NEK10: variants seen among roughly 807,000 people sequenced by gnomAD.
NEK10 encodes serine/threonine-protein kinase Nek10.
NEK10 carries 122 observed loss-of-function variants against 159.8 expected under a neutral mutation model. The ratio of observed to expected loss-of-function variants is 0.76; its 90% CI spans 0.66 to 0.89. The LOEUF (loss-of-function observed/expected upper bound fraction) is 0.89, where lower values mean the gene tolerates loss of function less well. Ranked by LOEUF, NEK10 falls within the 40% of genes least tolerant of loss-of-function variation. The pLI is 0.00. For missense variants in NEK10, 1,342 were observed against 1,323.1 expected (o/e 1.01, Z -0.22); for synonymous variants, 466 against 457.1 (o/e 1.02, Z -0.25).
chr3:27,368,800 G>C (rs546599080), intron 1 of NEK10, among the ~76,000 whole-genome samples: 1 of 152,104 alleles, frequency 6.6e-6, no homozygotes, highest in Non-Finnish European at 1.5e-5. Context: ...AGGGCTCACC[G>C]AAGTAGGGCA....
At chr3:27,115,774 A>G (rs1940320241) in intron 35 of NEK10, among the ~76,000 whole-genome samples, 166 bp downstream of exon 35, 1 of 152,202 alleles carries the variant, frequency 6.6e-6, no homozygotes, top group Admixed American at 6.5e-5. Flanking sequence ...ATGGGCACAT[A>G]TATTCTACTT....
At chr3:27,167,564 T>C (rs1324859794) in intron 29 of NEK10, among the ~76,000 whole-genome samples, 1 of 152,216 alleles carries the variant, frequency 6.6e-6, no homozygotes, top group Non-Finnish European at 1.5e-5. Flanking sequence ...TAACATGCTA[T>C]GACTTGCTGG....
At chr3:27,309,205 A>C in intron 9 of NEK10, 200 bp from the exon 10 acceptor site, 3 of 340,540 alleles carry the variant, frequency 8.8e-6, no homozygotes. Context: ...CACAAACTAT[A>C]TATAATGTTA....
chr3:27,241,264 C>A (rs192263912), intron 23 of NEK10, among the ~76,000 whole-genome samples: 2 of 152,186 alleles, frequency 1.3e-5, no homozygotes, highest in Non-Finnish European at 2.9e-5. Flanking sequence ...AACCATATCT[C>A]TGTTGTGACA....
chr3:27,323,339 C>T (rs548324605), intron 5 of NEK10, among the ~76,000 whole-genome samples: 1 of 152,186 alleles, frequency 6.6e-6, no homozygotes, highest in Non-Finnish European at 1.5e-5. Context: ...ATGGAGCATT[C>T]CCAGACACTC....
Position 27,174,460 on chromosome 3 carries a change from G to A in NEK10, c.2755C>T (p.Pro919Ser). 1.9e-6 allele frequency: 3 copies of A among 1,612,074 alleles called. No individual in the cohort carries two copies. The highest frequency in any genetic ancestry group is 3.6e-4 in the Middle Eastern group (2 of 5,556). ...SDNSSSSSSSPLKESTFNILK... is the reference protein window; with the variant it reads ...SDNSSSSSSSSLKESTFNILK... ...TTACTGAATGTAGATTCTTTCAGAG[G>A]GCTTGAACTGGAGCTGCTGGAGTTA... The change falls in exon 28 of 36, where the codon CCT becomes TCT. Residue 919 changes from proline (P) to serine (S), a missense_variant. Transcript: ENST00000691995.
At chr3:27,281,510 T>C (rs925196380) in intron 22 of NEK10, among the ~76,000 whole-genome samples, 6 of 150,754 alleles carry the variant, frequency 4.0e-5, no homozygotes, top group African/African-American at 1.5e-4. Flanking sequence ...ACTAGAGAAA[T>C]GCCTTTAAAA....
chr3:27,202,507 G>A lies in NEK10; in HGVS notation c.2141C>T (p.Ala714Val). Reference sequence around the variant, plus strand: ...CATCTGATAAAGGATGCAGCCTACTGCCCAGACATCAGCCTTCTCCCCATA... The same window carrying A: ...CATCTGATAAAGGATGCAGCCTACTACCCAGACATCAGCCTTCTCCCCATA... ...EPYGEKADVW[A>V]VGCILYQMAT... The change falls in exon 24 of 36, where the codon GCA becomes GTA. Residue 714 changes from alanine (A) to valine (V), a missense_variant. By Grantham distance (64) the Ala-to-Val change is moderately conservative. Coordinates refer to ENST00000691995, the MANE Select transcript of NEK10 (RefSeq NM_001394966.1). 6.2e-7 allele frequency: 1 copy of A among 1,612,958 alleles called. No homozygotes were observed. The highest frequency in any genetic ancestry group is 8.5e-7 in the Non-Finnish European group (1 of 1,179,360).
At chr3:27,188,411 C>T (rs1455553124) in intron 26 of NEK10, among the ~76,000 whole-genome samples, 1 of 152,202 alleles carries the variant, frequency 6.6e-6, no homozygotes, top group Non-Finnish European at 1.5e-5. Context: ...ATTCAGAAGA[C>T]ATCCAACAAA....
intron 23 of NEK10, among the ~76,000 whole-genome samples, chr3:27,218,303 TG>T: frequency 6.6e-6 from 1 of 152,312 alleles, no homozygotes; most frequent in East Asian, 1.9e-4. Context: ...AGTGAAATCA[TG>T]GATAAGAAGG....
intron 29 of NEK10, among the ~76,000 whole-genome samples, chr3:27,168,114 G>A (rs1020445825): frequency 6.6e-6 from 1 of 152,058 alleles, no homozygotes; most frequent in Non-Finnish European, 1.5e-5. Context: ...ATATTTTGGA[G>A]GCTGTGGTCA....
chr3:27,291,123 CA>C, intron 18 of NEK10, 138 bp downstream of exon 18: 1 of 896,954 alleles, frequency 1.1e-6, no homozygotes, highest in South Asian at 1.9e-5. Context: ...CTCTGTTGGA[CA>C]AAAACAATCA....
chr3:27,322,153 A>G (rs1323498421), intron 6 of NEK10, 24 bp downstream of exon 6: 3 of 1,321,904 alleles, frequency 2.3e-6, no homozygotes, highest in Non-Finnish European at 2.1e-6. Context: ...AAGTAAAAAA[A>G]AAAATTGTAT....
In NEK10 at chr3:27,341,024, G is replaced by GA. The variant is rs962313696; in HGVS notation, c.362+3247dup. On this transcript the variant is annotated intron_variant, in intron 5 of 35. Coordinates refer to ENST00000691995, the MANE Select transcript of NEK10 (RefSeq NM_001394966.1). ...TGAAACATTATTTGGCCATAAAAAAGAAAAAAATCACATCATTTATAGCAA... is the reference window on the plus strand; with the variant it reads ...TGAAACATTATTTGGCCATAAAAAAGAAAAAAAATCACATCATTTATAGCAA... 3.9e-5 allele frequency among the ~76,000 whole-genome samples: 6 copies of GA among 152,022 alleles called. 1 individual carries two copies. The highest frequency in any genetic ancestry group is 6.6e-5 in the Admixed American group (1 of 15,260).
At chr3:27,154,475 C>T (rs1193710529) in intron 30 of NEK10, among the ~76,000 whole-genome samples, 2 of 152,088 alleles carry the variant, frequency 1.3e-5, no homozygotes, top group Non-Finnish European at 2.9e-5. Flanking sequence ...AATACCAAAA[C>T]CAGGATAGGA....
intron 5 of NEK10, among the ~76,000 whole-genome samples, chr3:27,341,468 TA>T (rs1462474912): frequency 2.6e-5 from 4 of 152,120 alleles, no homozygotes; most frequent in Non-Finnish European, 5.9e-5. Flanking sequence ...CATAAATATG[TA>T]AAATATTATA....
intron 22 of NEK10, among the ~76,000 whole-genome samples, chr3:27,275,770 CCA>C (rs2041724945): frequency 6.6e-6 from 1 of 152,064 alleles, no homozygotes. Context: ...AATTTCTCAG[CCA>C]CAGTTTAGCC....
Position 27,201,986 on chromosome 3 carries a change from T to TA in NEK10, c.2221-407dup, listed in dbSNP as rs200886257. 1.8e-4 allele frequency among the ~76,000 whole-genome samples: 26 copies of TA among 147,912 alleles called. No homozygotes were observed. The East Asian group carries it at 3.0e-3, about 17-fold the overall frequency. On this transcript the variant is annotated intron_variant, in intron 24 of 35. Coordinates refer to ENST00000691995, the MANE Select transcript of NEK10 (RefSeq NM_001394966.1). ...CCAGCCTGGCCAACATGGTGAAACC[T>TA]AAAAAAAAAAATAAAAAATTCGGGC... is the stretch of plus-strand genomic sequence containing the variant.
chr3:27,190,906 C>T (rs1443434297), intron 26 of NEK10, among the ~76,000 whole-genome samples: 1 of 152,186 alleles, frequency 6.6e-6, no homozygotes, highest in Non-Finnish European at 1.5e-5. Context: ...AGGGCTATAA[C>T]TCCAAGTTAT....
Sources: gnomAD v4.1 joint callset for allele counts (sites outside exome capture counted in the v4.1 genomes callset) on GRCh38, gnomAD v4.1.1 for gene constraint, MANE v1.5 for transcripts, NCBI Gene and HGNC (gene_info 2026-07-23, HGNC 2026-07-21) for gene names.